Variants in TTC34 observed in about 807,000 individuals in gnomAD.
The protein encoded by TTC34 is tetratricopeptide repeat protein 34.
A neutral mutation model predicts 40.7 loss-of-function variants in TTC34; 44 were observed. The ratio of observed to expected loss-of-function variants is 1.08; its 90% CI spans 0.85 to 1.39. TTC34 has a LOEUF of 1.39. Among genes scored for constraint, TTC34 ranks in the 40% most tolerant of loss-of-function variants. The pLI is 0.00. For missense variants in TTC34, 884 were observed against 838.0 expected (o/e 1.05, Z -0.68); for synonymous variants, 422 against 398.6 (o/e 1.06, Z -0.70).
intron 8 of TTC34, among the ~76,000 whole-genome samples, chr1:2,643,355 C>T (rs1431192588): frequency 6.6e-6 from 1 of 152,226 alleles, no homozygotes; most frequent in Non-Finnish European, 1.5e-5. Flanking sequence ...CCTCCTGGCG[C>T]CGCAGCCCAG....
intron 6 of TTC34, among the ~76,000 whole-genome samples, chr1:2,750,994 G>A (rs1641300937): frequency 9.3e-6 from 1 of 107,754 alleles, no homozygotes; most frequent in Non-Finnish European, 1.8e-5. Context: ...ATGGTCTGGA[G>A]CAGCACCCAC....
exon 5 of TTC34, chr1:2,785,887 C>T: frequency 1.9e-6 from 3 of 1,538,824 alleles, no homozygotes; most frequent in African/African-American, 1.4e-5. Flanking sequence ...GTCGGCCCCG[C>T]CTGGCCGTGC....
At chr1:2,753,015 CT>C (rs1641376125) in intron 6 of TTC34, among the ~76,000 whole-genome samples, 1 of 122,564 alleles carries the variant, frequency 8.2e-6, no homozygotes, top group Non-Finnish European at 1.7e-5. Flanking sequence ...GCATCCTCAC[CT>C]CCAGGTGAGC....
intron 6 of TTC34, among the ~76,000 whole-genome samples, chr1:2,749,885 C>A (rs1330453613): frequency 2.7e-3 from 284 of 106,178 alleles, no homozygotes; most frequent in African/African-American, 5.2e-3. Context: ...GAACCCACAC[C>A]CCCAGGCGAG....
At chr1:2,750,700 T>A (rs1641290154) in intron 6 of TTC34, among the ~76,000 whole-genome samples, 3 of 125,850 alleles carry the variant, frequency 2.4e-5, no homozygotes, top group South Asian at 2.7e-4. Context: ...CAAGTGAGCA[T>A]CCGACAGCCT....
chr1:2,764,319 A>ACAGC (rs1242241189), intron 6 of TTC34, among the ~76,000 whole-genome samples: 2 of 142,640 alleles, frequency 1.4e-5, no homozygotes, highest in African/African-American at 5.2e-5. Context: ...CGAGCATCTG[A>ACAGC]CAGCCTGGAG....
In TTC34 at chr1:2,785,877, G is replaced by A. The variant is rs61745554; in HGVS notation, c.2001C>T (p.Asp667=). 2,266 of 1,540,360 alleles carry A rather than the reference G, an allele frequency of 1.5e-3. 22 individuals are homozygous for A. The African/African-American group carries it at 0.024, about 16-fold the overall frequency. Residue 667 remains aspartate, a synonymous_variant, in exon 5 of 9, where the codon GAC becomes GAT. Coordinates refer to ENST00000401095, the Ensembl canonical transcript of TTC34. ...TGGCCTCCTTGGTGTGAACCCTGCC[G>A]TCGGCCCCGCCTGGCCGTGCCCGCA...
intron 6 of TTC34, among the ~76,000 whole-genome samples, chr1:2,755,803 G>A (rs1243495329): frequency 3.9e-3 from 113 of 29,284 alleles, no homozygotes; most frequent in African/African-American, 9.6e-3. Flanking sequence ...AGCATCTGAT[G>A]GTCTGGAGCA....
At chr1:2,778,062 C>T (rs921415034) in intron 6 of TTC34, among the ~76,000 whole-genome samples, 3 of 152,234 alleles carry the variant, frequency 2.0e-5, no homozygotes, top group Non-Finnish European at 4.4e-5. Context: ...TCCCTGGGGC[C>T]CAGGCTGGCA....
intron 6 of TTC34, among the ~76,000 whole-genome samples, chr1:2,700,276 T>A (rs61766505): frequency 0.25 from 23,320 of 92,560 alleles, 5,695 homozygotes; most frequent in Non-Finnish European, 0.34. Context: ...TGCGATAGCC[T>A]GGAGCAGCAC....
At chr1:2,656,132 C>G (rs1639335321) in intron 6 of TTC34, among the ~76,000 whole-genome samples, 1 of 151,820 alleles carries the variant, frequency 6.6e-6, no homozygotes, top group African/African-American at 2.4e-5. Flanking sequence ...ACAGAACCCA[C>G]AGCCCCAGGT....
At chr1:2,642,914 G>A (rs1300194043) in intron 8 of TTC34, among the ~76,000 whole-genome samples, 1 of 152,238 alleles carries the variant, frequency 6.6e-6, no homozygotes, top group African/African-American at 2.4e-5. Context: ...TGTGAGCGGC[G>A]CTGAGCAGGG....
intron 6 of TTC34, among the ~76,000 whole-genome samples, chr1:2,777,767 T>A (rs1045161142): frequency 2.0e-5 from 3 of 151,752 alleles, no homozygotes; most frequent in Non-Finnish European, 4.4e-5. Context: ...CTGCTGCTCC[T>A]ACCGTCACTC....
At chr1:2,751,367 C>G (rs1641313059) in intron 6 of TTC34, among the ~76,000 whole-genome samples, 1 of 142,078 alleles carries the variant, frequency 7.0e-6, no homozygotes, top group Non-Finnish European at 1.5e-5. Flanking sequence ...GCACCCACAC[C>G]CCCAGGTGCG....
intron 8 of TTC34, 53 bp from the exon 9 acceptor site, chr1:2,641,948 C>T: frequency 7.0e-7 from 1 of 1,430,664 alleles, no homozygotes; most frequent in Non-Finnish European, 9.1e-7. Flanking sequence ...CCCCAAAAGC[C>T]CGGCCGCCCC....
intron 6 of TTC34, among the ~76,000 whole-genome samples, chr1:2,686,359 AC>A (rs1640346203): frequency 7.1e-6 from 1 of 140,744 alleles, no homozygotes; most frequent in Non-Finnish European, 1.5e-5. Context: ...CAGCACCCAC[AC>A]CCCCAGGTGC....
rs59275057 is a variant in TTC34, at chr1:2,780,429, G to A, written c.2226+3180C>T. ...AAGAATTTTATAGTTTTAGGTCTTTGATCCATTTTGAATTAATTTTTGTAT... is the reference window on the plus strand; with the variant it reads ...AAGAATTTTATAGTTTTAGGTCTTTAATCCATTTTGAATTAATTTTTGTAT... On this transcript the variant is annotated intron_variant, in intron 6 of 8. Transcript: ENST00000401095. Among the ~76,000 whole-genome samples, 17 of 152,252 alleles carry A rather than the reference G, an allele frequency of 1.1e-4. No homozygotes were observed. The East Asian group carries it at 2.5e-3, about 22-fold the overall frequency.
At chr1:2,786,742 G>T (rs1271920437) in intron 4 of TTC34, among the ~76,000 whole-genome samples, 5 of 152,288 alleles carry the variant, frequency 3.3e-5, no homozygotes, top group African/African-American at 1.2e-4. Context: ...CTGGGCGAGG[G>T]GAGACCTCCA....
intron 6 of TTC34, among the ~76,000 whole-genome samples, chr1:2,699,754 G>GC (rs1191888130): frequency 1.6e-5 from 1 of 64,458 alleles, no homozygotes; most frequent in African/African-American, 4.2e-5. Context: ...GCATCCGACA[G>GC]CCTGGAGCAG....
Sources: allele counts gnomAD v4.1 joint callset (sites outside exome capture counted in the v4.1 genomes callset), GRCh38; gene constraint gnomAD v4.1.1; transcripts MANE v1.5; gene names NCBI Gene and HGNC (gene_info 2026-07-23, HGNC 2026-07-21).